NLGN1: variants seen among roughly 807,000 people sequenced by gnomAD.
The protein encoded by NLGN1 is neuroligin-1.
A neutral mutation model predicts 65.5 loss-of-function variants in NLGN1; 12 were observed. The ratio of observed to expected loss-of-function variants is 0.18; its 90% CI spans 0.12 to 0.30. The LOEUF is 0.30. Among genes scored for constraint, NLGN1 ranks in the 10% least tolerant of loss-of-function variants. NLGN1 has a pLI of 1.00. For synonymous variants in NLGN1, 350 were observed against 359.5 expected (o/e 0.97, Z 0.30); for missense variants, 750 against 1,007.1 (o/e 0.74, Z 3.46).
intron 4 of NLGN1, among the ~76,000 whole-genome samples, chr3:173,841,497 T>G (rs1346503870): frequency 6.6e-6 from 1 of 152,082 alleles, no homozygotes; most frequent in Non-Finnish European, 1.5e-5. Flanking sequence ...TGTGGTGAGA[T>G]AGTGAGGTGA....
At chr3:173,815,559 C>G (rs1450345107) in intron 4 of NLGN1, among the ~76,000 whole-genome samples, 1 of 152,050 alleles carries the variant, frequency 6.6e-6, no homozygotes, top group East Asian at 1.9e-4. Flanking sequence ...CTGCTTGTTT[C>G]GTGGTATCAC....
rs1313622682 is a variant in NLGN1, at chr3:173,730,147, ATATCAATATACATGATTATATATAAATT to A, written c.494-77525_494-77498del. On this transcript the variant is annotated intron_variant, in intron 3 of 6. Transcript: ENST00000457714. Reference sequence around the variant, plus strand: ...TGCATATATGCTTATATATTATTATATATCAATATACATGATTATATATAAATTTATCAATTATATTGGAAATACCAGG... The same window carrying A: ...TGCATATATGCTTATATATTATTATATATCAATTATATTGGAAATACCAGG... Among the ~76,000 whole-genome samples, 4 of 151,330 alleles carry A rather than the reference ATATCAATATACATGATTATATATAAATT, an allele frequency of 2.6e-5. No homozygotes were observed. The East Asian group carries it at 7.7e-4, about 29-fold the overall frequency.
At chr3:173,490,369 G>A (rs1728909723) in intron 2 of NLGN1, among the ~76,000 whole-genome samples, 1 of 152,068 alleles carries the variant, frequency 6.6e-6, no homozygotes, top group Non-Finnish European at 1.5e-5. Context: ...CCCATTGCTT[G>A]TTTTTCTCAG....
chr3:173,808,946 T>C (rs1717286172), intron 4 of NLGN1, among the ~76,000 whole-genome samples: 1 of 152,160 alleles, frequency 6.6e-6, no homozygotes, highest in Non-Finnish European at 1.5e-5. Flanking sequence ...TGTTTATGCT[T>C]ATCACAAAAT....
At chr3:174,032,995 G>GACCTAA (rs1560886305) in intron 4 of NLGN1, among the ~76,000 whole-genome samples, 1 of 151,632 alleles carries the variant, frequency 6.6e-6, no homozygotes, top group African/African-American at 2.4e-5. Context: ...TATAGATATA[G>GACCTAA]ATCTATCTAT....
chr3:173,913,943 C>G (rs1471830892), intron 4 of NLGN1, among the ~76,000 whole-genome samples: 1 of 152,150 alleles, frequency 6.6e-6, no homozygotes, highest in Non-Finnish European at 1.5e-5. Flanking sequence ...CAAAATCACA[C>G]TGCACCGCAG....
chr3:173,939,851 C>A (rs1451705698), intron 4 of NLGN1, among the ~76,000 whole-genome samples: 1 of 151,874 alleles, frequency 6.6e-6, no homozygotes, highest in African/African-American at 2.4e-5. Context: ...ATCAAGAGTC[C>A]ATTTTTGTTA....
At chr3:173,951,274 G>C (rs997147226) in intron 4 of NLGN1, among the ~76,000 whole-genome samples, 11 of 152,090 alleles carry the variant, frequency 7.2e-5, no homozygotes, top group Non-Finnish European at 1.6e-4. Context: ...TAGTCTTTCA[G>C]TTTGTTCAAA....
chr3:174,119,621 A>T (rs13327005), intron 4 of NLGN1, among the ~76,000 whole-genome samples: 11,220 of 152,184 alleles, frequency 0.074, 889 homozygotes, highest in African/African-American at 0.2. Flanking sequence ...CCAAAACAAG[A>T]GTTTCTCCCT....
intron 2 of NLGN1, among the ~76,000 whole-genome samples, chr3:173,496,818 A>G (rs1560338995): frequency 6.6e-6 from 1 of 151,956 alleles, no homozygotes; most frequent in Admixed American, 6.6e-5. Flanking sequence ...TTGTAAATAG[A>G]GATCTTATTA....
intron 3 of NLGN1, among the ~76,000 whole-genome samples, chr3:173,772,239 G>A (rs1292008033): frequency 6.6e-6 from 1 of 152,052 alleles, no homozygotes; most frequent in Non-Finnish European, 1.5e-5. Flanking sequence ...TGAAAGAGCA[G>A]TTTTTATTAT....
chr3:174,126,372 G>A (rs1174588375), intron 4 of NLGN1, among the ~76,000 whole-genome samples: 1 of 152,100 alleles, frequency 6.6e-6, no homozygotes, highest in Admixed American at 6.6e-5. Context: ...ACAGACCTGG[G>A]TCATAGTTTA....
At chr3:173,988,572 G>A (rs181420682) in intron 4 of NLGN1, among the ~76,000 whole-genome samples, 6 of 152,210 alleles carry the variant, frequency 3.9e-5, no homozygotes, top group African/African-American at 9.6e-5. Context: ...TTTTAAGCAC[G>A]AGGCTGCCTA....
intron 4 of NLGN1, among the ~76,000 whole-genome samples, chr3:174,045,307 G>T (rs577012447): frequency 6.6e-6 from 1 of 152,250 alleles, no homozygotes; most frequent in Non-Finnish European, 1.5e-5. Flanking sequence ...AATCATGGCA[G>T]AAGGGAAAGC....
chr3:174,126,820 T>C (rs552683210), intron 4 of NLGN1, among the ~76,000 whole-genome samples: 5 of 152,294 alleles, frequency 3.3e-5, no homozygotes, highest in African/African-American at 9.6e-5. Flanking sequence ...ATTTACACAA[T>C]ACTTACTAAA....
intron 4 of NLGN1, among the ~76,000 whole-genome samples, chr3:174,107,471 T>C (rs1010609246): frequency 6.6e-6 from 1 of 152,180 alleles, no homozygotes; most frequent in Non-Finnish European, 1.5e-5. Flanking sequence ...TTAATAGATC[T>C]TTCCAGTTTA....
intron 4 of NLGN1, among the ~76,000 whole-genome samples, chr3:174,006,789 C>T (rs1236269169): frequency 6.6e-6 from 1 of 152,074 alleles, no homozygotes; most frequent in Non-Finnish European, 1.5e-5. Context: ...GAGATTAAGG[C>T]CAGGCATGGG....
intron 3 of NLGN1, among the ~76,000 whole-genome samples, chr3:173,626,149 G>A (rs905559879): frequency 6.6e-6 from 1 of 151,846 alleles, no homozygotes; most frequent in African/African-American, 2.4e-5. Flanking sequence ...GCTATCAAGC[G>A]CTTGAAACAT....
chr3:173,595,495 T>C (rs1169500862), intron 2 of NLGN1, among the ~76,000 whole-genome samples: 1 of 152,128 alleles, frequency 6.6e-6, no homozygotes, highest in Non-Finnish European at 1.5e-5. Flanking sequence ...ATTTAACAAG[T>C]CTCTAGGAAG....
Sources: allele counts gnomAD v4.1 joint callset (sites outside exome capture counted in the v4.1 genomes callset), GRCh38; gene constraint gnomAD v4.1.1; transcripts MANE v1.5; gene names NCBI Gene and HGNC (gene_info 2026-07-23, HGNC 2026-07-21).